The following DENND1A variants were observed in gnomAD, a reference collection of about 807,000 sequenced individuals.
DENND1A encodes the protein DENN domain containing 1A.
In DENND1A, 51 loss-of-function variants were observed where a neutral mutation model predicts 113.7. The observed-to-expected ratio is 0.45, with a 90% CI of 0.36 to 0.57. DENND1A has a LOEUF of 0.57. Among genes scored for constraint, DENND1A ranks in the 20% least tolerant of loss-of-function variants. DENND1A has a pLI of 0.00. For missense variants in DENND1A, 1,258 were observed against 1,395.9 expected, an observed-to-expected ratio of 0.90 and a Z score of 1.57; for synonymous variants, 565 against 570.8, an observed-to-expected ratio of 0.99 and a Z score of 0.14.
At chr9:123,830,312 A>C (rs1359958714) in intron 2 of DENND1A, among the ~76,000 whole-genome samples, 1 of 152,186 alleles carries the variant, frequency 6.6e-6, no homozygotes, top group African/African-American at 2.4e-5. Context: ...AATCTATGGT[A>C]ACATAAATCA....
At chr9:123,920,162 G>A (rs1243832275) in intron 1 of DENND1A, among the ~76,000 whole-genome samples, 8 of 152,224 alleles carry the variant, frequency 5.3e-5, no homozygotes, top group Middle Eastern at 3.2e-3. Context: ...CGGGCATGGT[G>A]GCTCAAGCCT....
intron 13 of DENND1A, among the ~76,000 whole-genome samples, chr9:123,519,893 C>T (rs1224685488): frequency 2.0e-5 from 3 of 152,052 alleles, no homozygotes; most frequent in African/African-American, 7.2e-5. Flanking sequence ...GGCGCGGTGG[C>T]TCACACCTGT....
chr9:123,517,254 G>GA (rs777671849), intron 13 of DENND1A, among the ~76,000 whole-genome samples: 1,214 of 91,330 alleles, frequency 0.013, 16 homozygotes, highest in African/African-American at 0.042. Flanking sequence ...CTCCGTCTCA[G>GA]AAAAAAAAAA....
At chr9:123,792,022 C>A (rs1239626167) in intron 3 of DENND1A, among the ~76,000 whole-genome samples, 1 of 152,122 alleles carries the variant, frequency 6.6e-6, no homozygotes, top group Non-Finnish European at 1.5e-5. Flanking sequence ...TCCTTCTACC[C>A]CATTCTATGC....
At chr9:123,812,988 T>C (rs968477371) in intron 2 of DENND1A, among the ~76,000 whole-genome samples, 3 of 152,204 alleles carry the variant, frequency 2.0e-5, no homozygotes, top group Non-Finnish European at 4.4e-5. Flanking sequence ...TCTCACTCTA[T>C]CTTCCAGGCT....
intron 5 of DENND1A, among the ~76,000 whole-genome samples, chr9:123,686,333 T>C (rs575062210): frequency 2.0e-5 from 3 of 152,332 alleles, no homozygotes; most frequent in African/African-American, 7.2e-5. Flanking sequence ...GATTTCTCAG[T>C]CTGACCTGCT....
At chr9:123,455,230 G>A (rs549784808) in intron 15 of DENND1A, among the ~76,000 whole-genome samples, 1 of 152,294 alleles carries the variant, frequency 6.6e-6, no homozygotes, top group African/African-American at 2.4e-5. Context: ...TTCTCAAACA[G>A]AGCTGATCAT....
intron 21 of DENND1A, among the ~76,000 whole-genome samples, chr9:123,393,564 T>A (rs1462946798): frequency 6.6e-6 from 1 of 150,684 alleles, no homozygotes. Context: ...AAGGTGGCTC[T>A]GAACCAAGAC....
At chr9:123,897,674 T>C (rs1850978972) in intron 1 of DENND1A, among the ~76,000 whole-genome samples, 1 of 152,022 alleles carries the variant, frequency 6.6e-6, no homozygotes, top group Non-Finnish European at 1.5e-5. Context: ...CTACCAGCAA[T>C]GCATAAAGGT....
At chr9:123,758,935 G>A (rs2070802213) in intron 4 of DENND1A, among the ~76,000 whole-genome samples, 1 of 151,932 alleles carries the variant, frequency 6.6e-6, no homozygotes, top group Non-Finnish European at 1.5e-5. Flanking sequence ...CGAGTACCTG[G>A]AACTACAGGT....
intron 1 of DENND1A, among the ~76,000 whole-genome samples, chr9:123,926,385 C>T (rs1051790378): frequency 6.6e-6 from 1 of 151,960 alleles, no homozygotes; most frequent in Non-Finnish European, 1.5e-5. Context: ...CTGACCAACA[C>T]GGGAGAAACC....
intron 13 of DENND1A, 130 bp downstream of exon 13, chr9:123,557,440 C>G: frequency 7.1e-7 from 1 of 1,410,068 alleles, no homozygotes; most frequent in South Asian, 1.4e-5. Context: ...CTGTCCCCCA[C>G]CACAAACACA....
chr9:123,498,641 G>A (rs1359073317), intron 13 of DENND1A, among the ~76,000 whole-genome samples: 1 of 152,168 alleles, frequency 6.6e-6, no homozygotes, highest in Non-Finnish European at 1.5e-5. Flanking sequence ...AAAGATGGGG[G>A]CCAGGGCTTT....
At chr9:123,644,679 G>C (rs952008741) in intron 9 of DENND1A, among the ~76,000 whole-genome samples, 4 of 152,204 alleles carry the variant, frequency 2.6e-5, no homozygotes, top group Non-Finnish European at 5.9e-5. Flanking sequence ...CGATTAGTTT[G>C]TGTGTAATCC....
At chr9:123,920,153 G>C (rs537278568) in intron 1 of DENND1A, among the ~76,000 whole-genome samples, 1 of 151,910 alleles carries the variant, frequency 6.6e-6, no homozygotes, top group Non-Finnish European at 1.5e-5. Flanking sequence ...CTTTAAGGCC[G>C]GGCATGGTGG....
chr9:123,632,801 C>T (rs928471456), intron 9 of DENND1A, among the ~76,000 whole-genome samples: 1 of 152,140 alleles, frequency 6.6e-6, no homozygotes, highest in Non-Finnish European at 1.5e-5. Context: ...CCAAACTGGC[C>T]TGGATTTGTG....
intron 8 of DENND1A, among the ~76,000 whole-genome samples, chr9:123,654,083 CG>C (rs1180994220): frequency 4.6e-5 from 7 of 152,026 alleles, no homozygotes; most frequent in African/African-American, 1.7e-4. Context: ...CAAAGGCAGT[CG>C]GAAGGAGTCA....
intron 5 of DENND1A, among the ~76,000 whole-genome samples, chr9:123,680,264 AG>A (rs2064356734): frequency 6.6e-6 from 1 of 152,198 alleles, no homozygotes; most frequent in Non-Finnish European, 1.5e-5. Flanking sequence ...ACTCTGTCCC[AG>A]GCTCTACCCT....
chr9:123,688,600 G>A (rs938433817), intron 5 of DENND1A, among the ~76,000 whole-genome samples: 4 of 152,102 alleles, frequency 2.6e-5, no homozygotes, highest in South Asian at 2.1e-4. Context: ...GGTATGATGC[G>A]CATTCCTTCT....
Sources: gnomAD v4.1 joint callset for allele counts (sites outside exome capture counted in the v4.1 genomes callset) on GRCh38, gnomAD v4.1.1 for gene constraint, MANE v1.5 for transcripts, NCBI Gene and HGNC (gene_info 2026-07-23, HGNC 2026-07-21) for gene names.